BNC2: variants seen among roughly 807,000 people sequenced by gnomAD.
BNC2 encodes the protein zinc finger protein basonuclin-2.
Under a neutral mutation model 76.3 loss-of-function variants are expected in BNC2, and 20 were observed. The observed-to-expected ratio is 0.26, with a 90% CI of 0.18 to 0.38. The LOEUF is 0.38. BNC2 is among the 10% of genes least tolerant of loss of function. The probability of loss-of-function intolerance (pLI) is 1.00; values close to 1 mark genes in which losing one functional copy is unlikely to be tolerated. For synonymous variants in BNC2, 582 were observed against 514.8 expected, an observed-to-expected ratio of 1.13 and a Z score of -1.77; for missense variants, 1,382 against 1,399.8, an observed-to-expected ratio of 0.99 and a Z score of 0.20.
At chr9:16,444,518 C>A (rs1190715172) in intron 5 of BNC2, among the ~76,000 whole-genome samples, 1 of 152,066 alleles carries the variant, frequency 6.6e-6, no homozygotes, top group African/African-American at 2.4e-5. Context: ...AGGAGATATA[C>A]CATCTAACTT....
At chr9:16,530,187 C>G (rs973757626) in intron 5 of BNC2, among the ~76,000 whole-genome samples, 6 of 151,828 alleles carry the variant, frequency 4.0e-5, no homozygotes, top group African/African-American at 1.2e-4. Context: ...TTTAAAAAAG[C>G]CTTTCTAAGG....
At chr9:16,645,946 A>G (rs1821610343) in intron 3 of BNC2, among the ~76,000 whole-genome samples, 1 of 152,184 alleles carries the variant, frequency 6.6e-6, no homozygotes, top group Non-Finnish European at 1.5e-5. Context: ...GGCAGGATAC[A>G]TTATCGAAAA....
intron 1 of BNC2, among the ~76,000 whole-genome samples, chr9:16,751,618 G>A (rs945204246): frequency 0.012 from 893 of 73,096 alleles, 13 homozygotes; most frequent in African/African-American, 0.032. Flanking sequence ...ATATATATGT[G>A]TATATATATA....
chr9:16,610,705 C>G (rs7018877), intron 3 of BNC2, among the ~76,000 whole-genome samples: 136,374 of 152,144 alleles, frequency 0.9, 61,571 homozygotes, highest in East Asian at 0.98. Context: ...GTTGAAGAAA[C>G]GCAACACTCA....
At chr9:16,447,596 G>A (rs187581524) in intron 5 of BNC2, among the ~76,000 whole-genome samples, 43 of 152,154 alleles carry the variant, frequency 2.8e-4, no homozygotes, top group Non-Finnish European at 3.8e-4. Flanking sequence ...GTCTGGTGCT[G>A]CTTGTCAGTG....
At chr9:16,532,404 G>A (rs1818009519) in intron 5 of BNC2, among the ~76,000 whole-genome samples, 1 of 152,120 alleles carries the variant, frequency 6.6e-6, no homozygotes, top group African/African-American at 2.4e-5. Context: ...AATGTGAGCT[G>A]AAACAGAAAA....
chr9:16,621,592 A>G (rs1390516987), intron 3 of BNC2, among the ~76,000 whole-genome samples: 1 of 152,176 alleles, frequency 6.6e-6, no homozygotes, highest in African/African-American at 2.4e-5. Flanking sequence ...GGTCTCCTAA[A>G]TTAACCAAAA....
chr9:16,762,302 A>T (rs980354208), intron 1 of BNC2, among the ~76,000 whole-genome samples: 8 of 152,212 alleles, frequency 5.3e-5, no homozygotes, highest in Non-Finnish European at 1.2e-4. Context: ...AAATACAATC[A>T]TCTCGTACAA....
rs113187232 is a variant in BNC2, at chr9:16,561,238, C to CAAA, written c.434-8476_434-8474dup. ...GGGCAACAAGAGTGAAACTCCGCCTCAAAAAAAAAAAAACAAAACCCACAG... is the reference window on the plus strand; with the variant it reads ...GGGCAACAAGAGTGAAACTCCGCCTCAAAAAAAAAAAAAAAACAAAACCCACAG... On this transcript the variant is annotated intron_variant, in intron 4 of 6. Transcript: ENST00000380672. 4.0e-4 allele frequency among the ~76,000 whole-genome samples: 48 copies of CAAA among 120,914 alleles called. 1 individual carries two copies. The South Asian group carries it at 5.6e-3, about 14-fold the overall frequency. 79.3% of individuals were successfully genotyped at this position (120,914 alleles called of 152,430 possible).
At chr9:16,831,221 T>G (rs1012443217) in intron 1 of BNC2, among the ~76,000 whole-genome samples, 4 of 152,218 alleles carry the variant, frequency 2.6e-5, no homozygotes, top group African/African-American at 9.6e-5. Context: ...ATTAAAAGAC[T>G]TCAAAGGGGC....
intron 1 of BNC2, among the ~76,000 whole-genome samples, chr9:16,817,228 G>T (rs1176136799): frequency 1.3e-5 from 2 of 152,126 alleles, no homozygotes; most frequent in African/African-American, 2.4e-5. Context: ...GATTTGTGCT[G>T]TAAGGAATAA....
intron 3 of BNC2, among the ~76,000 whole-genome samples, chr9:16,610,901 G>A (rs996387030): frequency 6.6e-6 from 1 of 152,100 alleles, no homozygotes; most frequent in African/African-American, 2.4e-5. Context: ...CTGTCACTTA[G>A]GCTGCCACTG....
At chr9:16,845,665 G>C (rs961107233) in intron 1 of BNC2, among the ~76,000 whole-genome samples, 5 of 152,002 alleles carry the variant, frequency 3.3e-5, no homozygotes, top group African/African-American at 1.2e-4. Flanking sequence ...AGCTTGCAGT[G>C]AGCCGAGATC....
At chr9:16,574,141 T>C (rs1409104474) in intron 4 of BNC2, among the ~76,000 whole-genome samples, 1 of 152,196 alleles carries the variant, frequency 6.6e-6, no homozygotes, top group Non-Finnish European at 1.5e-5. Context: ...GTGTGTTTCA[T>C]TTATAAACCC....
intron 3 of BNC2, among the ~76,000 whole-genome samples, chr9:16,692,628 T>C (rs898025869): frequency 1.3e-5 from 2 of 152,074 alleles, no homozygotes; most frequent in African/African-American, 4.8e-5. Flanking sequence ...GAGACCACGA[T>C]GGAAGCCGCA....
At chr9:16,794,669 G>A (rs762498163) in intron 1 of BNC2, among the ~76,000 whole-genome samples, 2 of 152,172 alleles carry the variant, frequency 1.3e-5, no homozygotes, top group Non-Finnish European at 2.9e-5. Flanking sequence ...CATTAGGTGA[G>A]TAAGAGCCAG....
chr9:16,676,192 A>C (rs1357941260), intron 3 of BNC2, among the ~76,000 whole-genome samples: 1 of 152,208 alleles, frequency 6.6e-6, no homozygotes, highest in African/African-American at 2.4e-5. Context: ...TCTTTTGTGT[A>C]CATGTAGGAG....
chr9:16,795,362 A>T (rs905141349), intron 1 of BNC2, among the ~76,000 whole-genome samples: 1 of 147,390 alleles, frequency 6.8e-6, no homozygotes. Context: ...ACAAATGATG[A>T]CTGCTAACTG....
At chr9:16,836,458 G>C (rs1014560056) in intron 1 of BNC2, among the ~76,000 whole-genome samples, 1 of 151,072 alleles carries the variant, frequency 6.6e-6, no homozygotes, top group African/African-American at 2.4e-5. Context: ...CCATGAATGT[G>C]AAGAAACCTC....
Sources: gnomAD v4.1 joint callset for allele counts (sites outside exome capture counted in the v4.1 genomes callset) on GRCh38, gnomAD v4.1.1 for gene constraint, MANE v1.5 for transcripts, NCBI Gene and HGNC (gene_info 2026-07-23, HGNC 2026-07-21) for gene names.